MEGF6: variants seen among roughly 807,000 people sequenced by gnomAD.
The protein encoded by MEGF6 is multiple epidermal growth factor-like domains protein 6.
A neutral mutation model predicts 207.1 loss-of-function variants in MEGF6; 184 were observed. The ratio of observed to expected loss-of-function variants is 0.89; its 90% CI spans 0.79 to 1.00. MEGF6 has a LOEUF of 1.00. Among genes scored for constraint, MEGF6 ranks in the 50% least tolerant of loss-of-function variants. The pLI is 0.00. For synonymous variants in MEGF6, 1,038 were observed against 910.0 expected (o/e 1.14, Z -2.53); for missense variants, 2,282 against 2,202.9 (o/e 1.04, Z -0.72).
At chr1:3,538,523 G>GA (rs913368395) in intron 4 of MEGF6, among the ~76,000 whole-genome samples, 1 of 152,234 alleles carries the variant, frequency 6.6e-6, no homozygotes, top group Non-Finnish European at 1.5e-5. Flanking sequence ...GGGCCAGGCA[G>GA]AAACAGGGGG....
the MEGF6 span, among the ~76,000 whole-genome samples, chr1:3,616,648 C>T: frequency 1.3e-5 from 2 of 152,190 alleles, no homozygotes; most frequent in Admixed American, 6.5e-5. Flanking sequence ...GCACCAAATA[C>T]GTAACTGAGT....
At chr1:3,524,527 C>T (rs909812807) in intron 4 of MEGF6, among the ~76,000 whole-genome samples, 18 of 152,338 alleles carry the variant, frequency 1.2e-4, no homozygotes, top group African/African-American at 3.6e-4. Flanking sequence ...GCCTCTAGCG[C>T]CTTTCAAGAC....
Position 3,497,041 on chromosome 1 carries a change from G to A in MEGF6, c.3560C>T (p.Ala1187Val). ...CPGENPACHPATGTCSCAAGY... is the reference protein window; with the variant it reads ...CPGENPACHPVTGTCSCAAGY... ...AGCAGCACATGAGCAGGTCCCGGTG[G>A]CAGGGTGGCAGGCCGGGTTCTCACC... Residue 1187 changes from alanine (A) to valine (V), a missense_variant, in exon 28 of 37, where the codon GCC (alanine) becomes GTC (valine). Transcript: ENST00000356575. The A allele has an allele frequency of 6.4e-7, 1 of 1,554,350 alleles. No homozygotes were observed. Among genetic ancestry groups the A allele is most frequent in the South Asian group, 1.2e-5 (1 of 84,504 alleles).
chr1:3,511,257 T>G (rs1318399098), intron 9 of MEGF6, among the ~76,000 whole-genome samples: 2 of 152,152 alleles, frequency 1.3e-5, no homozygotes, highest in Non-Finnish European at 2.9e-5. Flanking sequence ...TCCAGGACAC[T>G]GGGTCCTTCC....
At position 3,497,388 on chromosome 1, in the gene MEGF6, C is replaced by A. The variant is rs1259591604; in HGVS notation, c.3353-27G>T. The A allele has an allele frequency of 2.0e-6, 3 of 1,507,236 alleles. 1 individual carries two copies. The highest frequency in any genetic ancestry group is 2.7e-6 in the Non-Finnish European group (3 of 1,130,782). 93.4% of individuals were successfully genotyped at this position (1,507,236 alleles called of 1,614,324 possible). On this transcript the variant is annotated intron_variant, in intron 26 of 36. Coordinates refer to ENST00000356575, the MANE Select transcript of MEGF6 (RefSeq NM_001409.4). ...TGCAGAAAGATGAGGGCTGCGGAGG[C>A]TTCTAGGAGGGGCCCGTGGGGATCT... is the stretch of plus-strand genomic sequence containing the variant.
At chr1:3,543,015 C>T (rs1158298366) in intron 4 of MEGF6, among the ~76,000 whole-genome samples, 1 of 152,214 alleles carries the variant, frequency 6.6e-6, no homozygotes, top group East Asian at 1.9e-4. Context: ...GAGGCCGTGC[C>T]CTGCCCAGGA....
chr1:3,509,790 C>T, intron 11 of MEGF6, 80 bp downstream of exon 11: 1 of 1,457,552 alleles, frequency 6.9e-7, no homozygotes, highest in Non-Finnish European at 9.1e-7. Flanking sequence ...TGGGGTGGGC[C>T]AGGCCTGCGG....
chr1:3,491,132 G>A (rs867637717), intron 35 of MEGF6, among the ~76,000 whole-genome samples, 173 bp from the exon 36 acceptor site: 7 of 151,832 alleles, frequency 4.6e-5, no homozygotes, highest in South Asian at 2.1e-4. Flanking sequence ...GGGAGCTGGG[G>A]GGGGGGGCTC....
intron 1 of MEGF6, among the ~76,000 whole-genome samples, chr1:3,605,367 A>T (rs367557194): frequency 0.1 from 4,670 of 45,382 alleles, 236 homozygotes; most frequent in African/African-American, 0.18. Flanking sequence ...GTTCACACAC[A>T]CTCAATCACA....
intron 4 of MEGF6, among the ~76,000 whole-genome samples, chr1:3,574,904 A>G (rs1643600256): frequency 1.3e-5 from 2 of 152,172 alleles, no homozygotes; most frequent in Non-Finnish European, 2.9e-5. Flanking sequence ...CGGCCTCCCA[A>G]AGGACTGGGA....
intron 4 of MEGF6, among the ~76,000 whole-genome samples, chr1:3,554,715 C>A (rs994816598): frequency 6.6e-6 from 1 of 152,228 alleles, no homozygotes; most frequent in East Asian, 1.9e-4. Context: ...CTCTCCTGTG[C>A]CAGCCTCTCT....
At chr1:3,547,259 C>T (rs1218970767) in intron 4 of MEGF6, 1 of 152,262 alleles carries the variant, frequency 6.6e-6, no homozygotes, top group Admixed American at 6.5e-5. Context: ...AGAACAGGCC[C>T]CGCAGGAGGG....
chr1:3,554,986 T>C (rs1014285832), intron 4 of MEGF6, among the ~76,000 whole-genome samples: 10 of 151,620 alleles, frequency 6.6e-5, no homozygotes, highest in African/African-American at 1.9e-4. Context: ...GGCAGGGGAG[T>C]GGGACAAGGG....
rs117457660 is a variant in MEGF6 at position 3,554,371 on chromosome 1, C to A, written c.481+25454G>T. On this transcript the variant is annotated intron_variant, in intron 4 of 36. Transcript: ENST00000356575. ...GTCTAACAAGGGGTGGGGACCCAGC[C>A]GGGCCAGGCGGGAGGGGGACGGCAC... Among the ~76,000 whole-genome samples, 261 of 152,050 alleles carry A rather than the reference C, an allele frequency of 1.7e-3. 7 individuals carry two copies. In the East Asian group the frequency reaches 0.044, roughly 26 times the overall value.
chr1:3,549,699 C>T (rs1000495297), intron 4 of MEGF6, among the ~76,000 whole-genome samples: 11 of 152,234 alleles, frequency 7.2e-5, no homozygotes, highest in Admixed American at 2.0e-4. Context: ...GGCTCCAGCT[C>T]GGGCTATGGG....
intron 4 of MEGF6, among the ~76,000 whole-genome samples, chr1:3,551,061 C>T (rs937574085): frequency 6.6e-5 from 10 of 152,344 alleles, no homozygotes; most frequent in Admixed American, 3.9e-4. Flanking sequence ...GAGCCGGGCC[C>T]GCGTGGCCAT....
At chr1:3,547,962 C>T (rs1055107125) in intron 4 of MEGF6, among the ~76,000 whole-genome samples, 2 of 152,312 alleles carry the variant, frequency 1.3e-5, no homozygotes, top group African/African-American at 2.4e-5. Context: ...TGAGGTGACG[C>T]AGGGACCAGG....
intron 8 of MEGF6, 152 bp from the exon 9 acceptor site, chr1:3,511,839 T>C: frequency 7.0e-7 from 1 of 1,436,018 alleles, no homozygotes; most frequent in Non-Finnish European, 9.4e-7. Flanking sequence ...TTGTTGGGTC[T>C]GGGACCCCCT....
At chr1:3,609,561 C>T (rs1644298019) in intron 1 of MEGF6, among the ~76,000 whole-genome samples, 1 of 152,222 alleles carries the variant, frequency 6.6e-6, no homozygotes, top group Non-Finnish European at 1.5e-5. Flanking sequence ...CTTACTGCAG[C>T]CAGGGAGGCT....
Sources: gnomAD v4.1 joint callset for allele counts (sites outside exome capture counted in the v4.1 genomes callset) on GRCh38, gnomAD v4.1.1 for gene constraint, MANE v1.5 for transcripts, NCBI Gene and HGNC (gene_info 2026-07-23, HGNC 2026-07-21) for gene names.